The following CSMD1 variants were observed in gnomAD, a reference collection of about 807,000 sequenced individuals.
CSMD1 encodes the protein CUB and Sushi multiple domains 1.
In CSMD1, 213 loss-of-function variants were observed where a neutral mutation model predicts 417.5. The observed-to-expected ratio is 0.51, with a 90% confidence interval of 0.46 to 0.57. The LOEUF is 0.57. Among genes scored for constraint, CSMD1 ranks in the 20% least tolerant of loss-of-function variants. The pLI is 0.00. For missense variants in CSMD1, 6,923 were observed against 4,529.7 expected (o/e 1.53, Z -15.17); for synonymous variants, 2,862 against 1,736.8 (o/e 1.65, Z -16.11).
At chr8:4,687,657 G>T (rs1454141938) in intron 1 of CSMD1, among the ~76,000 whole-genome samples, 5 of 152,186 alleles carry the variant, frequency 3.3e-5, no homozygotes, top group African/African-American at 1.2e-4. Context: ...ATCCGTGAAG[G>T]CTTAAAATGA....
chr8:3,388,701 C>G (rs1211797732), intron 17 of CSMD1, among the ~76,000 whole-genome samples: 1 of 152,214 alleles, frequency 6.6e-6, no homozygotes, highest in Non-Finnish European at 1.5e-5. Context: ...TTTCTAAACA[C>G]TAACACATGT....
chr8:4,037,373 G>T (rs1797675889), intron 3 of CSMD1, among the ~76,000 whole-genome samples: 1 of 152,280 alleles, frequency 6.6e-6, no homozygotes, highest in South Asian at 2.1e-4. Context: ...AACAGCAATG[G>T]CCATCAGCTC....
chr8:3,890,973 T>C (rs906449243), intron 5 of CSMD1, among the ~76,000 whole-genome samples: 3 of 152,136 alleles, frequency 2.0e-5, no homozygotes, highest in African/African-American at 4.8e-5. Flanking sequence ...ACCTGTGAAA[T>C]GGATGTTATG....
intron 1 of CSMD1, among the ~76,000 whole-genome samples, chr8:4,640,913 C>A (rs1234897208): frequency 2.0e-5 from 3 of 148,938 alleles, no homozygotes; most frequent in Non-Finnish European, 3.0e-5. Context: ...TAAACTGACA[C>A]CGGAAGTCAC....
intron 40 of CSMD1, among the ~76,000 whole-genome samples, chr8:3,150,780 G>A (rs761210479): frequency 3.3e-5 from 5 of 152,116 alleles, no homozygotes; most frequent in African/African-American, 1.2e-4. Flanking sequence ...AGGCGTGAGA[G>A]GGGATCAAAA....
chr8:4,466,930 T>C (rs1800207630), intron 2 of CSMD1, among the ~76,000 whole-genome samples: 1 of 151,784 alleles, frequency 6.6e-6, no homozygotes, highest in Non-Finnish European at 1.5e-5. Flanking sequence ...AGCATTGAAA[T>C]TAGAATTTCC....
At chr8:3,269,316 A>T (rs1021484554) in intron 26 of CSMD1, among the ~76,000 whole-genome samples, 3 of 152,226 alleles carry the variant, frequency 2.0e-5, no homozygotes, top group African/African-American at 7.2e-5. Context: ...CCGAGAGCAG[A>T]GGGGAGCGAT....
Position 3,107,769 on chromosome 8 carries a change from G to A in CSMD1, c.6784C>T (p.Pro2262Ser). 6.3e-7 allele frequency: 1 copy of A among 1,586,728 alleles called. No individual in the cohort carries two copies. The highest frequency in any genetic ancestry group is 8.5e-7 in the Non-Finnish European group (1 of 1,171,416). ...AFQLKKCQPPPAVPQAEMLTE... is the reference protein window; with the variant it reads ...AFQLKKCQPPSAVPQAEMLTE... ...AGCATTTCTGCCTGTGGAACCGCTGGGGGAGGTTGACATTTCTTGAGCTGA... is the reference window on the plus strand; with the variant it reads ...AGCATTTCTGCCTGTGGAACCGCTGAGGGAGGTTGACATTTCTTGAGCTGA... The change falls in exon 45 of 70, where the codon CCA (proline) becomes TCA (serine). Residue 2262 changes from proline (P) to serine (S), a missense_variant. Pro to Ser is a moderately conservative substitution (Grantham distance 74, BLOSUM62 -1). Coordinates refer to ENST00000635120, the MANE Select transcript of CSMD1 (RefSeq NM_033225.6).
In CSMD1 at chr8:2,983,899, C is replaced by A. The variant is rs1185531191; in HGVS notation, c.8378-5099G>T. Among the ~76,000 whole-genome samples the A allele has an allele frequency of 4.9e-4, 74 of 152,148 alleles. 1 individual carries two copies. The highest frequency in any genetic ancestry group is 2.9e-4 in the Non-Finnish European group (20 of 67,990). On this transcript the variant is annotated intron_variant, in intron 54 of 69. Coordinates refer to ENST00000635120, the MANE Select transcript of CSMD1 (RefSeq NM_033225.6). ...AAAGGAAAAGTAAAATCGAAACTGT[C>A]AGATTAAACTTTAAAAGCTAAATGC...
intron 3 of CSMD1, among the ~76,000 whole-genome samples, chr8:4,218,150 C>A (rs376032330): frequency 5.9e-5 from 9 of 152,176 alleles, no homozygotes; most frequent in Non-Finnish European, 1.3e-4. Flanking sequence ...CTCCTACATG[C>A]TGAACGTTCT....
chr8:4,662,036 G>A (rs535697026), intron 1 of CSMD1, among the ~76,000 whole-genome samples: 1 of 152,160 alleles, frequency 6.6e-6, no homozygotes, highest in African/African-American at 2.4e-5. Flanking sequence ...GACATACACA[G>A]GTCAATGATG....
In CSMD1 at chr8:3,821,066, G is replaced by A. The variant is rs146985957; in HGVS notation, c.819-67024C>T. ...CCAGTAGCTGGGATTACAGGTGTGT[G>A]CCACCACACCTGGTTACTTTTTTGT... On this transcript the variant is annotated intron_variant, in intron 5 of 69. Coordinates refer to ENST00000635120, the MANE Select transcript of CSMD1 (RefSeq NM_033225.6). 9.2e-3 allele frequency among the ~76,000 whole-genome samples: 1,397 copies of A among 151,986 alleles called. 32 individuals carry two copies. The highest frequency in any genetic ancestry group is 0.031 in the African/African-American group (1,270 of 41,462).
intron 3 of CSMD1, among the ~76,000 whole-genome samples, chr8:4,098,159 T>A (rs1056092318): frequency 5.9e-5 from 9 of 152,188 alleles, no homozygotes; most frequent in African/African-American, 1.9e-4. Flanking sequence ...TAAATTAGAA[T>A]AACATGTTTT....
chr8:3,701,866 G>C (rs933403911), intron 7 of CSMD1, among the ~76,000 whole-genome samples: 1 of 152,156 alleles, frequency 6.6e-6, no homozygotes, highest in Admixed American at 6.5e-5. Context: ...GAGGGAGATG[G>C]AACCACTGTG....
At chr8:3,171,164 A>G (rs1820560414) in intron 37 of CSMD1, among the ~76,000 whole-genome samples, 1 of 152,234 alleles carries the variant, frequency 6.6e-6, no homozygotes, top group Non-Finnish European at 1.5e-5. Context: ...CCAATCAGAT[A>G]GTGTTAAAAA....
chr8:3,289,437 C>A (rs1001261775), intron 25 of CSMD1, among the ~76,000 whole-genome samples: 1 of 147,438 alleles, frequency 6.8e-6, no homozygotes, highest in East Asian at 2.0e-4. Flanking sequence ...TTTACAGTCC[C>A]ACCAACAGTG....
chr8:3,430,560 A>G (rs1038473557), intron 12 of CSMD1, among the ~76,000 whole-genome samples: 1 of 152,210 alleles, frequency 6.6e-6, no homozygotes, highest in Non-Finnish European at 1.5e-5. Context: ...TAATCTCAGC[A>G]CCTTGGGAAG....
intron 1 of CSMD1, among the ~76,000 whole-genome samples, chr8:4,806,206 G>A (rs1585130018): frequency 6.6e-6 from 1 of 152,300 alleles, no homozygotes; most frequent in Admixed American, 6.5e-5. Flanking sequence ...ACAACCACCA[G>A]CTCTCTAGGT....
At chr8:3,922,505 A>G (rs2129144684) in intron 5 of CSMD1, among the ~76,000 whole-genome samples, 1 of 152,162 alleles carries the variant, frequency 6.6e-6, no homozygotes, top group East Asian at 1.9e-4. Flanking sequence ...TTGTATTCAT[A>G]GGCTTTGATT....
Sources: gnomAD v4.1 joint callset for allele counts (sites outside exome capture counted in the v4.1 genomes callset) on GRCh38, gnomAD v4.1.1 for gene constraint, MANE v1.5 for transcripts, NCBI Gene and HGNC (gene_info 2026-07-23, HGNC 2026-07-21) for gene names.